Variants in ATP11C observed in about 807,000 individuals in gnomAD.
The protein encoded by ATP11C is ATPase phospholipid transporting 11C (ATP11C blood group).
A neutral mutation model predicts 97.4 loss-of-function variants in ATP11C; 36 were observed. The ratio of observed to expected loss-of-function variants is 0.37; its 90% CI spans 0.28 to 0.49. The LOEUF (loss-of-function observed/expected upper bound fraction) is 0.49. ATP11C is among the 20% of genes least tolerant of loss of function. The pLI is 0.98. For synonymous variants in ATP11C, 275 were observed against 290.9 expected (o/e 0.95, Z 0.56); for missense variants, 730 against 824.6 (o/e 0.89, Z 1.40).
At chrX:139,933,685 C>A (rs761582906), upstream of ATP11C, among the ~76,000 whole-genome samples, 6 of 112,501 alleles carry the variant, frequency 5.3e-5, no homozygotes, top group South Asian at 2.2e-3. Flanking sequence ...CAGTTTAGAG[C>A]TGGGGACAGG....
chrX:139,752,853 C>T (rs765419771), intron 23 of ATP11C, among the ~76,000 whole-genome samples: 13 of 111,903 alleles, frequency 1.2e-4, no homozygotes, highest in African/African-American at 3.9e-4. Context: ...CCAAAAACTG[C>T]AAGATGCTTA....
chrX:139,897,465 C>G (rs1412573806), intron 1 of ATP11C, among the ~76,000 whole-genome samples: 2 of 109,527 alleles, frequency 1.8e-5, no homozygotes, highest in African/African-American at 6.6e-5. Context: ...GGGCGGACAG[C>G]TTGAGGCCAG....
chrX:139,928,879 C>T (rs1012522741), intron 1 of ATP11C, among the ~76,000 whole-genome samples: 3 of 111,982 alleles, frequency 2.7e-5, no homozygotes, highest in African/African-American at 9.7e-5. Flanking sequence ...AAGCCCCCAA[C>T]CTACTTTATC....
chrX:139,826,032 A>T (rs751359971), intron 2 of ATP11C, among the ~76,000 whole-genome samples: 1 of 112,285 alleles, frequency 8.9e-6, no homozygotes, highest in East Asian at 2.8e-4. Flanking sequence ...TAATTTGACC[A>T]AGGTGACACA....
chrX:139,785,067 TA>T (rs899053184), intron 16 of ATP11C, among the ~76,000 whole-genome samples, 158 bp downstream of exon 16: 1 of 111,892 alleles, frequency 8.9e-6, no homozygotes, highest in Non-Finnish European at 1.9e-5. Context: ...CATCTGTGCT[TA>T]AAAAAATACA....
At chrX:139,740,221 C>T (rs1385884160) in intron 27 of ATP11C, among the ~76,000 whole-genome samples, 1 of 111,593 alleles carries the variant, frequency 9.0e-6, no homozygotes, top group Non-Finnish European at 1.9e-5. Flanking sequence ...CTAAAAAAAA[C>T]AACTCTGACA....
chrX:139,755,649 T>C (rs754137752), intron 23 of ATP11C, among the ~76,000 whole-genome samples: 2 of 110,725 alleles, frequency 1.8e-5, no homozygotes, highest in East Asian at 2.9e-4. Flanking sequence ...TGGAACAGAA[T>C]AGAGAGCCCG....
chrX:139,898,306 G>A (rs1262189323), intron 1 of ATP11C, among the ~76,000 whole-genome samples: 2 of 111,433 alleles, frequency 1.8e-5, no homozygotes, highest in Non-Finnish European at 3.8e-5. Context: ...CTACTATGAG[G>A]TATTAAGAAA....
intron 7 of ATP11C, among the ~76,000 whole-genome samples, chrX:139,801,888 T>C (rs1260081814): frequency 8.9e-6 from 1 of 112,111 alleles, no homozygotes; most frequent in East Asian, 2.8e-4. Flanking sequence ...TCTTTAATGT[T>C]AGATGGCATG....
At chrX:139,797,880 T>C (rs1219738401) in intron 10 of ATP11C, among the ~76,000 whole-genome samples, 1 of 111,660 alleles carries the variant, frequency 9.0e-6, no homozygotes, top group East Asian at 2.8e-4. Flanking sequence ...GCCAGGAGAC[T>C]ATTATCTATA....
intron 12 of ATP11C, among the ~76,000 whole-genome samples, chrX:139,794,212 T>C (rs2082748299): frequency 8.9e-6 from 1 of 112,445 alleles, no homozygotes; most frequent in Admixed American, 9.4e-5. Flanking sequence ...TATCTTTCTA[T>C]TCTTAATCCC....
At chrX:139,783,552 G>T (rs2082508627) in intron 16 of ATP11C, among the ~76,000 whole-genome samples, 1 of 111,854 alleles carries the variant, frequency 8.9e-6, no homozygotes, top group African/African-American at 3.3e-5. Flanking sequence ...GGCTGGGCTT[G>T]TGTCAAGGAG....
rs781171311 is a variant in ATP11C, at chrX:139,762,507, C to T, written c.2495-401G>A. Among the ~76,000 whole-genome samples the T allele has an allele frequency of 6.3e-5, 7 of 111,150 alleles. No homozygotes were observed. The East Asian group carries it at 1.1e-3, about 18-fold the overall frequency. ...GTGGTCTAGGAGTTCAATGAGAAGACGGTGAAATTCTTTCATGTATGAAAC... is the reference window on the plus strand; with the variant it reads ...GTGGTCTAGGAGTTCAATGAGAAGATGGTGAAATTCTTTCATGTATGAAAC... On this transcript the variant is annotated intron_variant, in intron 21 of 29. Transcript: ENST00000682941.
At chrX:139,868,600 G>A (rs1311987872) in intron 1 of ATP11C, among the ~76,000 whole-genome samples, 3 of 107,767 alleles carry the variant, frequency 2.8e-5, no homozygotes, top group Non-Finnish European at 5.7e-5. Flanking sequence ...GTGGCGGTGC[G>A]CCTGTAGTCC....
intron 1 of ATP11C, among the ~76,000 whole-genome samples, chrX:139,861,317 T>C (rs2084191688): frequency 2.7e-5 from 3 of 111,999 alleles, no homozygotes; most frequent in Non-Finnish European, 3.8e-5. Flanking sequence ...ATAAACATTT[T>C]AAATTAAGTA....
Position 139,745,831 on chromosome X carries a change from T to C in ATP11C, c.2855A>G (p.Gln952Arg), listed in dbSNP as rs781037262. Residue 952 changes from glutamine to arginine, a missense_variant, in exon 25 of 30, where the codon CAG (glutamine) becomes CGG (arginine). Gln to Arg is a conservative substitution (Grantham distance 43). Transcript: ENST00000682941. ...YMKISGNAML[Q>R]LGPFLYWTFL... is the part of the protein sequence containing the mutation. ...TGTCCAATATAAGAAGGGGCCCAACTGTAGCATGGCATTGCCAGAAATTTT... is the reference window on the plus strand; with the variant it reads ...TGTCCAATATAAGAAGGGGCCCAACCGTAGCATGGCATTGCCAGAAATTTT... 3.3e-6 allele frequency: 4 copies of C among 1,201,281 alleles called. 1 individual carries two copies. In the South Asian group the frequency reaches 5.5e-5, roughly 17 times the overall value.
At chrX:139,842,284 A>G (rs1187739082) in intron 1 of ATP11C, among the ~76,000 whole-genome samples, 9 of 112,347 alleles carry the variant, frequency 8.0e-5, no homozygotes, top group African/African-American at 2.9e-4. Context: ...TGCCCACCTC[A>G]GCCTCCCAAA....
chrX:139,866,343 CAAAAA>C (rs57250412), intron 1 of ATP11C, among the ~76,000 whole-genome samples: 2,711 of 27,406 alleles, frequency 0.099, 117 homozygotes, highest in African/African-American at 0.2. Flanking sequence ...GACTCTGTCT[CAAAAA>C]AAAAAAAAAA....
chrX:139,737,891 G>A, intron 28 of ATP11C, 25 bp downstream of exon 28: 1 of 1,194,287 alleles, frequency 8.4e-7, no homozygotes, highest in Non-Finnish European at 1.1e-6. Flanking sequence ...CAAAAATCAG[G>A]TTGTAAGATA....
Sources: gnomAD v4.1 joint callset for allele counts (sites outside exome capture counted in the v4.1 genomes callset) on GRCh38, gnomAD v4.1.1 for gene constraint, MANE v1.5 for transcripts, NCBI Gene and HGNC (gene_info 2026-07-23, HGNC 2026-07-21) for gene names.